The following HTR4 variants were observed in gnomAD, a reference collection of about 807,000 sequenced individuals.
HTR4 encodes 5-hydroxytryptamine receptor 4.
Under a neutral mutation model 36.8 loss-of-function variants are expected in HTR4, and 16 were observed. That is an observed-to-expected ratio of 0.43 (90% confidence interval 0.29 to 0.66). The LOEUF is 0.66. Ranked by LOEUF, HTR4 falls within the 30% of genes least tolerant of loss-of-function variation. The pLI, the probability that HTR4 is intolerant of heterozygous loss-of-function variation, is 0.13. For synonymous variants in HTR4, 189 were observed against 185.1 expected, an observed-to-expected ratio of 1.02 and a Z score of -0.17; for missense variants, 438 against 490.9, an observed-to-expected ratio of 0.89 and a Z score of 1.02.
intron 2 of HTR4, among the ~76,000 whole-genome samples, chr5:148,609,196 A>C (rs1449045929): frequency 6.6e-6 from 1 of 152,242 alleles, no homozygotes; most frequent in Non-Finnish European, 1.5e-5. Context: ...TGCATTGCAC[A>C]CACAGCTAAC....
chr5:148,492,067 T>C (rs751653460), intron 6 of HTR4, among the ~76,000 whole-genome samples: 30 of 152,150 alleles, frequency 2.0e-4, no homozygotes, highest in Admixed American at 7.2e-4. Flanking sequence ...ATAAACCACG[T>C]TGGGCATTTC....
chr5:148,516,372 T>C (rs189505016), intron 5 of HTR4, among the ~76,000 whole-genome samples: 1 of 136,912 alleles, frequency 7.3e-6, no homozygotes, highest in East Asian at 2.2e-4. Flanking sequence ...CAGGCTGGAG[T>C]GCAATGGCAC....
intron 5 of HTR4, among the ~76,000 whole-genome samples, chr5:148,469,600 G>A (rs905757035): frequency 2.6e-5 from 4 of 152,200 alleles, no homozygotes; most frequent in Admixed American, 6.5e-5. Flanking sequence ...GGTTGTGTTT[G>A]TTTGGTCAGA....
intron 5 of HTR4, among the ~76,000 whole-genome samples, chr5:148,471,368 C>T (rs1755563609): frequency 6.6e-6 from 1 of 152,108 alleles, no homozygotes; most frequent in African/African-American, 2.4e-5. Context: ...TGATTGAATT[C>T]AATCATTCCC....
intron 6 of HTR4, among the ~76,000 whole-genome samples, chr5:148,502,989 A>G (rs1757009097): frequency 6.6e-6 from 1 of 152,220 alleles, no homozygotes; most frequent in Admixed American, 6.5e-5. Flanking sequence ...ATATGGGACT[A>G]TGGGAAAAGA....
intron 2 of HTR4, among the ~76,000 whole-genome samples, chr5:148,574,269 A>G (rs1760796114): frequency 6.6e-6 from 1 of 152,090 alleles, no homozygotes; most frequent in Admixed American, 6.6e-5. Context: ...CAGACAGGAC[A>G]GCAAATGGTT....
At chr5:148,630,991 A>G (rs1753301844) in intron 2 of HTR4, among the ~76,000 whole-genome samples, 1 of 152,174 alleles carries the variant, frequency 6.6e-6, no homozygotes, top group South Asian at 2.1e-4. Flanking sequence ...ACGCTTCAGA[A>G]GATGTATAGG....
At chr5:148,507,981 G>C (rs767305760) in intron 6 of HTR4, among the ~76,000 whole-genome samples, 5 of 152,108 alleles carry the variant, frequency 3.3e-5, no homozygotes, top group Non-Finnish European at 5.9e-5. Flanking sequence ...CGGTTTCTAG[G>C]AGTATCCTTT....
chr5:148,540,694 T>TAA (rs1226255211), intron 4 of HTR4, among the ~76,000 whole-genome samples: 1 of 151,814 alleles, frequency 6.6e-6, no homozygotes, highest in Non-Finnish European at 1.5e-5. Context: ...GAAAGATGTT[T>TAA]AAGGCAAGAT....
chr5:148,613,896 CAG>C (rs1752549333), intron 2 of HTR4, among the ~76,000 whole-genome samples: 1 of 152,168 alleles, frequency 6.6e-6, no homozygotes, highest in Non-Finnish European at 1.5e-5. Context: ...AACAGACAAA[CAG>C]AGAGCCAAAC....
chr5:148,572,980 G>A (rs1005904748), intron 2 of HTR4, among the ~76,000 whole-genome samples: 1 of 152,068 alleles, frequency 6.6e-6, no homozygotes, highest in Non-Finnish European at 1.5e-5. Flanking sequence ...CCAGAATAAT[G>A]AAGGTTTAGA....
chr5:148,481,440 G>T (rs920334771), downstream of HTR4: 5 of 858,906 alleles, frequency 5.8e-6, no homozygotes, highest in Non-Finnish European at 9.0e-6. Context: ...TATTTCTCAC[G>T]AATTCTGAAT....
At chr5:148,481,539 T>A (rs200445396), downstream of HTR4, 57 of 1,526,200 alleles carry the variant, frequency 3.7e-5, no homozygotes, top group Non-Finnish European at 4.6e-5. Context: ...GAGAGGCTTT[T>A]TTTTTTCTTT....
intron 2 of HTR4, 103 bp from the exon 3 acceptor site, chr5:148,550,365 C>T (rs1759622959): frequency 7.9e-7 from 1 of 1,259,960 alleles, no homozygotes; most frequent in Non-Finnish European, 1.1e-6. Flanking sequence ...ACTTCACCAT[C>T]AGCTGATGAC....
intron 2 of HTR4, among the ~76,000 whole-genome samples, chr5:148,606,011 A>G (rs1752144868): frequency 1.3e-5 from 2 of 152,224 alleles, no homozygotes; most frequent in Admixed American, 1.3e-4. Flanking sequence ...TCTGGGTCTC[A>G]GAATCTGGTA....
At chr5:148,607,781 A>G (rs1752241572) in intron 2 of HTR4, among the ~76,000 whole-genome samples, 2 of 152,224 alleles carry the variant, frequency 1.3e-5, no homozygotes, top group African/African-American at 2.4e-5. Flanking sequence ...CTGGATTTCA[A>G]TAGTTGGAGC....
intron 2 of HTR4, among the ~76,000 whole-genome samples, chr5:148,575,306 C>A (rs1449099461): frequency 6.6e-6 from 1 of 152,058 alleles, no homozygotes; most frequent in Admixed American, 6.6e-5. Flanking sequence ...GGCTCAGAAA[C>A]TGGATTCCTT....
chr5:148,470,971 G>C (rs369824675), intron 5 of HTR4, among the ~76,000 whole-genome samples: 1 of 152,300 alleles, frequency 6.6e-6, no homozygotes, highest in Admixed American at 6.5e-5. Flanking sequence ...TTACAGGCAT[G>C]AGCCACTGTG....
At chr5:148,498,074 A>T (rs1332149532) in intron 6 of HTR4, among the ~76,000 whole-genome samples, 2 of 152,192 alleles carry the variant, frequency 1.3e-5, no homozygotes, top group African/African-American at 4.8e-5. Flanking sequence ...AATTTTAGCA[A>T]TCAAAACCCT....
Sources: allele counts gnomAD v4.1 joint callset (sites outside exome capture counted in the v4.1 genomes callset), GRCh38; gene constraint gnomAD v4.1.1; transcripts MANE v1.5; gene names NCBI Gene and HGNC (gene_info 2026-07-23, HGNC 2026-07-21).